The following TLCD3B variants were observed in gnomAD, a reference collection of about 807,000 sequenced individuals.
The protein encoded by TLCD3B is TLC domain containing 3B, also known as ceramide synthase.
A neutral mutation model predicts 23.0 loss-of-function variants in TLCD3B; 9 were observed. The observed-to-expected ratio is 0.39, with a 90% CI of 0.24 to 0.68. The LOEUF (loss-of-function observed/expected upper bound fraction) is 0.68. Among genes scored for constraint, TLCD3B ranks in the 30% least tolerant of loss-of-function variants. TLCD3B has a pLI of 0.44. For synonymous variants in TLCD3B, 161 were observed against 161.0 expected (o/e 1.00, Z 0.00); for missense variants, 307 against 371.8 (o/e 0.83, Z 1.43).
chr16:30,026,725 C>T lies in TLCD3B; in HGVS notation c.328G>A (p.Gly110Arg), dbSNP rs568267337. Residue 110 changes from glycine to arginine, a missense_variant, in exon 3 of 5, where the codon GGA (glycine) becomes AGA (arginine). Transcript: ENST00000380495. ...HQVKGHGGDD[G>R]AARAPGSTWA... ...GTGCTGCCCGGGGCTCTGGCCGCTC[C>T]GTCGTCCCCTCCATGCCCTTTGACC... 48 of 1,614,062 alleles carry T rather than the reference C, an allele frequency of 3.0e-5. No homozygotes were observed. The East Asian group carries it at 5.1e-4, about 17-fold the overall frequency.
intron 1 of TLCD3B, among the ~76,000 whole-genome samples, chr16:30,050,778 T>C (rs1249614047): frequency 1.3e-5 from 2 of 152,156 alleles, no homozygotes; most frequent in Non-Finnish European, 2.9e-5. Flanking sequence ...GGCTGCCTCA[T>C]GGTGTAGGAA....
In TLCD3B at chr16:30,029,869, C is replaced by A. The variant is rs2071301256; in HGVS notation, c.126-354G>T. Among the ~76,000 whole-genome samples the A allele has an allele frequency of 6.6e-6, 1 of 152,174 alleles. No homozygotes were observed. Among genetic ancestry groups the A allele is most frequent in the Admixed American group, 6.5e-5 (1 of 15,282 alleles). ...CCTCTCCCCACGAGGGGAGCCTGGGCCGGTTCTTGCCCCGCTTAGCTGTCC... is the reference window on the plus strand; with the variant it reads ...CCTCTCCCCACGAGGGGAGCCTGGGACGGTTCTTGCCCCGCTTAGCTGTCC... On this transcript the variant is annotated intron_variant, in intron 1 of 4. Transcript: ENST00000380495. The surrounding 1 kb of genome is among the most constrained non-coding windows in gnomAD (Gnocchi z 4.6).
rs1480725855 is a variant in TLCD3B at position 30,038,259 on chromosome 16, G to C, written c.-66-2045C>G. ...ATCATTAAATGCTGCTTAGACTACAGGTCAGACATTGATCTGCATTCTCTG... is the reference window on the plus strand; with the variant it reads ...ATCATTAAATGCTGCTTAGACTACACGTCAGACATTGATCTGCATTCTCTG... On this transcript the variant is annotated intron_variant, in intron 3 of 6. Coordinates refer to the TLCD3B transcript ENST00000561666. 2.6e-5 allele frequency among the ~76,000 whole-genome samples: 4 copies of C among 152,082 alleles called. No individual in the cohort carries two copies. In the South Asian group the frequency reaches 8.3e-4, roughly 32 times the overall value.
chr16:30,045,927 A>G (rs1298651493), intron 2 of TLCD3B, among the ~76,000 whole-genome samples: 1 of 151,928 alleles, frequency 6.6e-6, no homozygotes, highest in African/African-American at 2.4e-5. Context: ...TGGGCAACAC[A>G]GTGAGACCTC....
rs966522468 is a variant in TLCD3B at position 30,052,568 on chromosome 16, G to A, written c.-294+206C>T. On this transcript the variant is annotated intron_variant, in intron 1 of 6. Transcript: ENST00000561666. ...AAAAATTAGCCGGGTGTGGTAGTGC[G>A]CGCCTGTAATCCCAGCTACTCGGGA... Among the ~76,000 whole-genome samples, 3 of 142,976 alleles carry A rather than the reference G, an allele frequency of 2.1e-5. No homozygotes were observed. In the East Asian group the frequency reaches 6.4e-4, roughly 30 times the overall value. 93.8% of individuals were successfully genotyped at this position (142,976 alleles called of 152,430 possible).
intron 3 of TLCD3B, among the ~76,000 whole-genome samples, chr16:30,040,147 A>AAAAATT: frequency 1.0e-5 from 1 of 95,898 alleles, no homozygotes; most frequent in Non-Finnish European, 2.0e-5. Context: ...AAAAAAAAAA[A>AAAAATT]ATATATATAT....
At chr16:30,040,151 T>A (rs868216501) in intron 3 of TLCD3B, among the ~76,000 whole-genome samples, 1,248 of 77,624 alleles carry the variant, frequency 0.016, 15 homozygotes, top group East Asian at 0.077. Flanking sequence ...AAAAAAAATA[T>A]ATATATATAT....
intron 3 of TLCD3B, among the ~76,000 whole-genome samples, chr16:30,026,258 C>T (rs1443257234): frequency 2.6e-5 from 4 of 152,104 alleles, no homozygotes; most frequent in Admixed American, 2.6e-4. Flanking sequence ...AGAGAAAGAA[C>T]ACCTGGGTGC....
At chr16:30,047,315 T>C (rs1024101895) in intron 1 of TLCD3B, among the ~76,000 whole-genome samples, 2 of 152,072 alleles carry the variant, frequency 1.3e-5, no homozygotes, top group Non-Finnish European at 2.9e-5. Context: ...TTTTGCTTTT[T>C]GGTTTTGGGT....
intron 1 of TLCD3B, among the ~76,000 whole-genome samples, chr16:30,050,570 G>A (rs375733223): frequency 1.5e-3 from 233 of 152,182 alleles, no homozygotes; most frequent in East Asian, 2.1e-3. Flanking sequence ...AACAAAAACC[G>A]GAAGACAGCC....
At chr16:30,031,647 A>G (rs955065547), upstream of TLCD3B, among the ~76,000 whole-genome samples, 2 of 152,182 alleles carry the variant, frequency 1.3e-5, no homozygotes, top group African/African-American at 4.8e-5. Flanking sequence ...AGGGGATAGG[A>G]GCAAAAACAT....
chr16:30,043,915 A>C (rs1276598258), intron 2 of TLCD3B, among the ~76,000 whole-genome samples: 1 of 151,446 alleles, frequency 6.6e-6, no homozygotes, highest in Non-Finnish European at 1.5e-5. Flanking sequence ...CAAACTCCTG[A>C]GCTCCAGCAA....
At chr16:30,036,011 C>T (rs1385952268), upstream of TLCD3B, 5 of 736,138 alleles carry the variant, frequency 6.8e-6, no homozygotes, top group East Asian at 3.3e-4. Context: ...GATCTGCCCG[C>T]TTCGGCCTCC....
At position 30,029,621 on chromosome 16, in the gene TLCD3B, C is replaced by T. The variant is rs1434338140; in HGVS notation, c.126-106G>A. 3 of 982,642 alleles carry T rather than the reference C, an allele frequency of 3.1e-6. No homozygotes were observed. The highest frequency in any genetic ancestry group is 1.6e-5 in the African/African-American group (1 of 62,170). 60.9% of individuals were successfully genotyped at this position (982,642 alleles called of 1,614,324 possible). ...GACTGCGCTTTGCGTTCAGCCACTTCTCGGGCCAGTCCTTGCCTGCCTTCG... is the reference window on the plus strand; with the variant it reads ...GACTGCGCTTTGCGTTCAGCCACTTTTCGGGCCAGTCCTTGCCTGCCTTCG... On this transcript the variant is annotated intron_variant, in intron 1 of 4. Coordinates refer to ENST00000380495, the MANE Select transcript of TLCD3B (RefSeq NM_031478.6). This position sits in a 1 kb window ranked among gnomAD's most constrained non-coding sequence, Gnocchi z 4.6.
chr16:30,049,923 CAAA>C (rs35810240), intron 1 of TLCD3B, among the ~76,000 whole-genome samples: 12 of 130,968 alleles, frequency 9.2e-5, no homozygotes, highest in Admixed American at 1.6e-4. Flanking sequence ...GACTCCATCT[CAAA>C]AAAAAAAAAA....
intron 2 of TLCD3B, chr16:30,027,111 C>A (rs1033359517): frequency 1.7e-6 from 1 of 572,724 alleles, no homozygotes; most frequent in Non-Finnish European, 3.3e-6. Context: ...AAAGAAAAGA[C>A]CAGAAGATGC....
chr16:30,026,731 C>G lies in TLCD3B; in HGVS notation c.322G>C (p.Asp108His), dbSNP rs1470406619. 6.2e-7 allele frequency: 1 copy of G among 1,614,110 alleles called. No individual in the cohort carries two copies. The highest frequency in any genetic ancestry group is 1.3e-5 in the African/African-American group (1 of 75,062). ...CCCGGGGCTCTGGCCGCTCCGTCGT[C>G]CCCTCCATGCCCTTTGACCTGGTGC... ...HKHQVKGHGG[D>H]DGAARAPGST... Residue 108 changes from aspartate (D) to histidine (H), a missense_variant, in exon 3 of 5, where the codon GAC (aspartate) becomes CAC (histidine). Physicochemically the swap from Asp to His is moderately conservative, Grantham distance 81 (BLOSUM62 -1). Coordinates refer to ENST00000380495, the MANE Select transcript of TLCD3B (RefSeq NM_031478.6).
chr16:30,034,332 GGAGGCT>G (rs2071424060), upstream of TLCD3B, among the ~76,000 whole-genome samples: 1 of 151,018 alleles, frequency 6.6e-6, no homozygotes, highest in South Asian at 2.1e-4. Context: ...CCAGCACTTC[GGAGGCT>G]GAGAAGGAAC....
chr16:30,044,283 C>T (rs996721878), intron 2 of TLCD3B, among the ~76,000 whole-genome samples: 1 of 151,940 alleles, frequency 6.6e-6, no homozygotes, highest in African/African-American at 2.4e-5. Context: ...CAGGCATGAG[C>T]CACAGTGCTA....
Sources: allele counts gnomAD v4.1 joint callset (sites outside exome capture counted in the v4.1 genomes callset), GRCh38; gene constraint gnomAD v4.1.1; non-coding constraint Gnocchi (gnomAD v3.1); transcripts MANE v1.5; gene names NCBI Gene and HGNC (gene_info 2026-07-23, HGNC 2026-07-21).